MED27: variants seen among roughly 807,000 people sequenced by gnomAD.
MED27 encodes the protein mediator of RNA polymerase II transcription subunit 27.
MED27 carries 30 observed loss-of-function variants against 38.2 expected under a neutral mutation model. The ratio of observed to expected loss-of-function variants is 0.79; its 90% CI spans 0.59 to 1.07. MED27 has a LOEUF of 1.07. MED27 is among the 50% of genes least tolerant of loss of function. The pLI is 0.00. For missense variants in MED27, 289 were observed against 397.5 expected, an observed-to-expected ratio of 0.73 and a Z score of 2.32; for synonymous variants, 122 against 153.5, an observed-to-expected ratio of 0.79 and a Z score of 1.52.
chr9:132,072,058 G>A (rs1434675760), intron 2 of MED27, among the ~76,000 whole-genome samples: 1 of 152,102 alleles, frequency 6.6e-6, no homozygotes, highest in Non-Finnish European at 1.5e-5. Flanking sequence ...ACAGGCACTT[G>A]CGTAACACAC....
At chr9:132,061,341 C>A (rs946931653) in intron 2 of MED27, among the ~76,000 whole-genome samples, 6 of 152,212 alleles carry the variant, frequency 3.9e-5, no homozygotes, top group Non-Finnish European at 7.3e-5. Flanking sequence ...ATGGTTAGAA[C>A]TGGAGGTGAT....
intron 6 of MED27, among the ~76,000 whole-genome samples, chr9:131,874,526 G>T (rs1838893594): frequency 6.6e-6 from 1 of 152,188 alleles, no homozygotes; most frequent in Admixed American, 6.5e-5. Flanking sequence ...AGCCACTGGG[G>T]AAAGGGGAGC....
intron 3 of MED27, among the ~76,000 whole-genome samples, chr9:131,974,893 C>G (rs1831570706): frequency 6.6e-6 from 1 of 152,218 alleles, no homozygotes; most frequent in African/African-American, 2.4e-5. Context: ...TACATCTCCC[C>G]CTTCTTTCCC....
intron 2 of MED27, among the ~76,000 whole-genome samples, chr9:132,058,481 G>T (rs922649985): frequency 4.0e-5 from 6 of 151,808 alleles, no homozygotes; most frequent in Non-Finnish European, 7.4e-5. Flanking sequence ...CTTCTCTCTC[G>T]GTATCATAAG....
At chr9:131,915,654 G>A (rs1183436266) in intron 4 of MED27, among the ~76,000 whole-genome samples, 1 of 152,210 alleles carries the variant, frequency 6.6e-6, no homozygotes, top group Non-Finnish European at 1.5e-5. Flanking sequence ...TTCAACAAGT[G>A]TCTAGTAGAA....
intron 6 of MED27, among the ~76,000 whole-genome samples, chr9:131,871,382 T>A (rs1330824389): frequency 6.6e-6 from 1 of 152,194 alleles, no homozygotes; most frequent in African/African-American, 2.4e-5. Context: ...GACACTGTAA[T>A]GACACAGAAA....
At chr9:132,026,854 T>C (rs1832833509) in intron 2 of MED27, among the ~76,000 whole-genome samples, 1 of 152,260 alleles carries the variant, frequency 6.6e-6, no homozygotes, top group Non-Finnish European at 1.5e-5. Flanking sequence ...TTCATTTAAT[T>C]AATCTGTACA....
intron 4 of MED27, among the ~76,000 whole-genome samples, chr9:131,935,181 C>G (rs1436638367): frequency 6.6e-6 from 1 of 151,964 alleles, no homozygotes; most frequent in East Asian, 1.9e-4. Context: ...TGACTACAAT[C>G]AATAACAATT....
rs551853183 is a variant in MED27 at position 131,886,190 on chromosome 9, T to C, written c.682-2091A>G. ...AAAAGCAGGGCTGTGAACAGGCATA[T>C]ACATTTAGTTCTCCTGGCTTTTCCC... On this transcript the variant is annotated intron_variant, in intron 5 of 7. Coordinates refer to ENST00000292035, the MANE Select transcript of MED27 (RefSeq NM_004269.4). Among the ~76,000 whole-genome samples, 19 of 152,338 alleles carry C rather than the reference T, an allele frequency of 1.2e-4. No homozygotes were observed. In the South Asian group the frequency reaches 2.7e-3, roughly 22 times the overall value.
intron 6 of MED27, among the ~76,000 whole-genome samples, chr9:131,879,146 G>A (rs974829728): frequency 1.3e-5 from 2 of 152,250 alleles, no homozygotes; most frequent in Non-Finnish European, 2.9e-5. Context: ...CAGGCTGTAA[G>A]CCAGCGGGTC....
chr9:132,046,433 A>T (rs1589287164), intron 2 of MED27, among the ~76,000 whole-genome samples: 1 of 145,948 alleles, frequency 6.9e-6, no homozygotes, highest in African/African-American at 2.5e-5. Flanking sequence ...AAGAGTCTTT[A>T]AAAAAAAAAA....
At chr9:132,033,925 T>C (rs1833017865) in intron 2 of MED27, among the ~76,000 whole-genome samples, 1 of 152,238 alleles carries the variant, frequency 6.6e-6, no homozygotes, top group Non-Finnish European at 1.5e-5. Flanking sequence ...TTTTATAGTA[T>C]CTACACTTTC....
At chr9:131,919,916 C>T (rs1289427291) in intron 4 of MED27, among the ~76,000 whole-genome samples, 1 of 151,672 alleles carries the variant, frequency 6.6e-6, no homozygotes, top group African/African-American at 2.4e-5. Flanking sequence ...TCAGGTGATC[C>T]TCCCATCTTA....
chr9:132,078,765 A>C (rs780743845), intron 1 of MED27, among the ~76,000 whole-genome samples: 4 of 152,184 alleles, frequency 2.6e-5, no homozygotes, highest in Non-Finnish European at 4.4e-5. Context: ...GAGAAGTAAA[A>C]GGCAAAAATC....
chr9:131,950,634 A>G (rs1413240934), intron 3 of MED27, among the ~76,000 whole-genome samples: 2 of 152,214 alleles, frequency 1.3e-5, no homozygotes, highest in East Asian at 3.8e-4. Context: ...CATACATTAA[A>G]GCAAATGCAC....
chr9:131,946,306 C>T (rs1038651146), intron 3 of MED27, among the ~76,000 whole-genome samples: 1 of 152,186 alleles, frequency 6.6e-6, no homozygotes, highest in Non-Finnish European at 1.5e-5. Context: ...CTATTTTTAA[C>T]ATTTTGAGGA....
At chr9:131,925,937 A>G (rs1188157349) in intron 4 of MED27, among the ~76,000 whole-genome samples, 1 of 152,266 alleles carries the variant, frequency 6.6e-6, no homozygotes, top group East Asian at 1.9e-4. Context: ...GTCAAGGGTC[A>G]CGATGAATCC....
At chr9:132,037,071 A>G (rs1229334942) in intron 2 of MED27, among the ~76,000 whole-genome samples, 1 of 152,176 alleles carries the variant, frequency 6.6e-6, no homozygotes, top group Non-Finnish European at 1.5e-5. Flanking sequence ...TGGGTGGAAG[A>G]CGAAATGTTG....
chr9:131,922,850 G>C (rs1301847897), intron 4 of MED27, among the ~76,000 whole-genome samples: 2 of 152,066 alleles, frequency 1.3e-5, no homozygotes, highest in African/African-American at 4.8e-5. Context: ...CTGACCTCAA[G>C]TGATCCACCA....
Sources: allele counts gnomAD v4.1 joint callset (sites outside exome capture counted in the v4.1 genomes callset), GRCh38; gene constraint gnomAD v4.1.1; transcripts MANE v1.5; gene names NCBI Gene and HGNC (gene_info 2026-07-23, HGNC 2026-07-21).